GGPS1: variants seen among roughly 807,000 people sequenced by gnomAD.
The protein encoded by GGPS1 is geranylgeranyl diphosphate synthase 1, also known as geranylgeranyl pyrophosphate synthase.
In GGPS1, 15 loss-of-function variants were observed where a neutral mutation model predicts 28.1. That is an observed-to-expected ratio of 0.53 (90% CI 0.36 to 0.82). The LOEUF is 0.82. Ranked by LOEUF, GGPS1 falls within the 40% of genes least tolerant of loss-of-function variation. The probability of loss-of-function intolerance (pLI) is 0.01; values close to 1 mark genes in which losing one functional copy is unlikely to be tolerated. For missense variants in GGPS1, 284 were observed against 348.3 expected, an observed-to-expected ratio of 0.82 and a Z score of 1.47; for synonymous variants, 138 against 122.4, an observed-to-expected ratio of 1.13 and a Z score of -0.84.
chr1:235,339,115 C>T (rs1675950620), intron 2 of GGPS1, among the ~76,000 whole-genome samples: 1 of 152,082 alleles, frequency 6.6e-6, no homozygotes, highest in Non-Finnish European at 1.5e-5. Context: ...GCCTGGCCAA[C>T]ATGATGAAAC....
chr1:235,341,616 T>G (rs537482436), intron 2 of GGPS1, 92 bp from the exon 3 acceptor site: 1 of 796,840 alleles, frequency 1.3e-6, no homozygotes, highest in East Asian at 2.5e-5. Context: ...GTCTGATCAA[T>G]CTAAAGGAAG....
At chr1:235,331,694 A>G (rs1425068054) in intron 1 of GGPS1, among the ~76,000 whole-genome samples, 1 of 150,644 alleles carries the variant, frequency 6.6e-6, no homozygotes, top group African/African-American at 2.5e-5. Flanking sequence ...TCTGTGACCC[A>G]TGAGATGGTT....
At chr1:235,341,476 C>T (rs1463687578) in intron 2 of GGPS1, among the ~76,000 whole-genome samples, 2 of 152,080 alleles carry the variant, frequency 1.3e-5, no homozygotes, top group African/African-American at 2.4e-5. Context: ...TAGAGTCTCC[C>T]GTGCCTGCCC....
At position 235,335,907 on chromosome 1, in the gene GGPS1, T is replaced by C. The variant is rs1675848593; in HGVS notation, c.70+573T>C. 2.6e-5 allele frequency among the ~76,000 whole-genome samples: 4 copies of C among 152,350 alleles called. No individual in the cohort carries two copies. In the South Asian group the frequency reaches 8.3e-4, roughly 32 times the overall value. On this transcript the variant is annotated intron_variant, in intron 2 of 3. Transcript: ENST00000282841. ...TCAAGTTTACCTTCTATGTCTGTAT[T>C]TTCCAGTATCTCACACATACACTGC... is the stretch of plus-strand genomic sequence containing the variant.
intron 2 of GGPS1, among the ~76,000 whole-genome samples, chr1:235,340,326 C>T (rs1031086922): frequency 3.9e-5 from 6 of 151,930 alleles, no homozygotes; most frequent in African/African-American, 9.7e-5. Context: ...AAAAATTAAC[C>T]GGGCGTGGTC....
At chr1:235,332,666 G>C (rs1675753078) in intron 1 of GGPS1, among the ~76,000 whole-genome samples, 1 of 152,036 alleles carries the variant, frequency 6.6e-6, no homozygotes, top group African/African-American at 2.4e-5. Flanking sequence ...GTCTTTGGTG[G>C]ATTAATTTAT....
At chr1:235,340,750 A>AG (rs2103349637) in intron 2 of GGPS1, among the ~76,000 whole-genome samples, 1 of 150,102 alleles carries the variant, frequency 6.7e-6, no homozygotes, top group East Asian at 1.9e-4. Flanking sequence ...AAAAAAAAAA[A>AG]AAAAAAAACA....
At chr1:235,340,122 G>C (rs1284906154) in intron 2 of GGPS1, among the ~76,000 whole-genome samples, 1 of 152,096 alleles carries the variant, frequency 6.6e-6, no homozygotes, top group South Asian at 2.1e-4. Context: ...AACAGAATGA[G>C]ACTCCGTCTC....
chr1:235,338,297 A>C (rs1052326202), intron 2 of GGPS1, among the ~76,000 whole-genome samples: 10 of 151,722 alleles, frequency 6.6e-5, no homozygotes, highest in Non-Finnish European at 1.2e-4. Context: ...TGGGATGATT[A>C]CCGGAGCCTG....
chr1:235,333,122 CAGT>C (rs1201330653), intron 1 of GGPS1, among the ~76,000 whole-genome samples: 1 of 128,458 alleles, frequency 7.8e-6, no homozygotes, highest in Non-Finnish European at 1.7e-5. Context: ...CAATAAATAA[CAGT>C]AGCCCACACC....
At position 235,333,794 on chromosome 1, in the gene GGPS1, A is replaced by C. The variant is rs184666215; in HGVS notation, c.-23-1448A>C. Reference sequence around the variant, plus strand: ...TAACCACAAACTGCCATTAGATGCCATATTACATTTAGCCTTTTTGTTGTA... The same window carrying C: ...TAACCACAAACTGCCATTAGATGCCCTATTACATTTAGCCTTTTTGTTGTA... On this transcript the variant is annotated intron_variant, in intron 1 of 3. Transcript: ENST00000282841. Among the ~76,000 whole-genome samples the C allele has an allele frequency of 1.4e-4, 21 of 152,350 alleles. No homozygotes were observed. The East Asian group carries it at 2.5e-3, about 18-fold the overall frequency.
intron 1 of GGPS1, among the ~76,000 whole-genome samples, chr1:235,331,631 T>G (rs1206478139): frequency 9.9e-6 from 1 of 100,854 alleles, no homozygotes; most frequent in Non-Finnish European, 2.0e-5. Flanking sequence ...TACACCGGGC[T>G]TTTTTTTTTT....
upstream of GGPS1, chr1:235,327,604 C>T (rs1389886859): frequency 6.6e-6 from 1 of 152,280 alleles, no homozygotes; most frequent in Non-Finnish European, 1.5e-5. Flanking sequence ...GGGGGCGGCT[C>T]GGACACAGCG....
At position 235,342,353 on chromosome 1, in the gene GGPS1, C is replaced by T. The variant is rs371055539; in HGVS notation, c.484C>T (p.Leu162Phe). ...TGGACTGTTTGGATTAGCAGTAGGTCTCATGCAGTTGTTCTCTGATTACAA... is the reference window on the plus strand; with the variant it reads ...TGGACTGTTTGGATTAGCAGTAGGTTTCATGCAGTTGTTCTCTGATTACAA... ...TGGLFGLAVGLMQLFSDYKED... is the reference protein window; with the variant it reads ...TGGLFGLAVGFMQLFSDYKED... The change falls in exon 4 of 4, where the codon CTC becomes TTC. Residue 162 changes from leucine to phenylalanine, a missense_variant. Physicochemically the swap from Leu to Phe is conservative, Grantham distance 22. Coordinates refer to ENST00000282841, the MANE Select transcript of GGPS1 (RefSeq NM_004837.4). 3.1e-6 allele frequency: 5 copies of T among 1,613,680 alleles called. No homozygotes were observed. In the African/African-American group the frequency reaches 6.7e-5, roughly 22 times the overall value.
At chr1:235,339,116 A>G (rs1482218039) in intron 2 of GGPS1, among the ~76,000 whole-genome samples, 17 of 152,086 alleles carry the variant, frequency 1.1e-4, no homozygotes, top group Admixed American at 1.1e-3. Context: ...CCTGGCCAAC[A>G]TGATGAAACC....
At chr1:235,331,656 A>T (rs10802624) in intron 1 of GGPS1, among the ~76,000 whole-genome samples, 2 of 148,354 alleles carry the variant, frequency 1.3e-5, no homozygotes, top group African/African-American at 2.5e-5. Context: ...TAGAAGATTC[A>T]TAGCTTTCAT....
At chr1:235,337,765 C>T (rs1675911611) in intron 2 of GGPS1, among the ~76,000 whole-genome samples, 1 of 151,068 alleles carries the variant, frequency 6.6e-6, no homozygotes, top group Non-Finnish European at 1.5e-5. Context: ...TGCAGTGAGC[C>T]GAGATCACGC....
At chr1:235,332,106 G>A (rs890021546) in intron 1 of GGPS1, among the ~76,000 whole-genome samples, 1 of 152,194 alleles carries the variant, frequency 6.6e-6, no homozygotes, top group Non-Finnish European at 1.5e-5. Flanking sequence ...TGGGGTGCAA[G>A]TGTAGTTTTA....
chr1:235,342,833 T>C lies in GGPS1; in HGVS notation c.*61T>C. On this transcript the variant is annotated 3_prime_UTR_variant, in exon 4 of 4. Coordinates refer to ENST00000282841, the MANE Select transcript of GGPS1 (RefSeq NM_004837.4). Reference sequence around the variant, plus strand: ...TTTAGTTAATCTTTTTTTTGTCTTTTAGCCTTACCACCTTTTAAAAAATTT... The same window carrying C: ...TTTAGTTAATCTTTTTTTTGTCTTTCAGCCTTACCACCTTTTAAAAAATTT... The C allele has an allele frequency of 1.7e-6, 2 of 1,192,376 alleles. No individual in the cohort carries two copies. Among genetic ancestry groups the C allele is most frequent in the Non-Finnish European group, 1.2e-6 (1 of 845,192 alleles). The allele number at this position is 1,192,376 out of a possible 1,614,324, so 73.9% of individuals were successfully genotyped here. A position where few individuals can be genotyped will look rare whatever the true frequency, so the allele number is the denominator to read the frequency against.
Sources: gnomAD v4.1 joint callset for allele counts (sites outside exome capture counted in the v4.1 genomes callset) on GRCh38, gnomAD v4.1.1 for gene constraint, MANE v1.5 for transcripts, NCBI Gene and HGNC (gene_info 2026-07-23, HGNC 2026-07-21) for gene names.